The following TRPM6 variants were observed in gnomAD, a reference collection of about 807,000 sequenced individuals.
TRPM6 encodes the protein transient receptor potential cation channel subfamily M member 6.
Under a neutral mutation model 247.6 loss-of-function variants are expected in TRPM6, and 111 were observed. The observed-to-expected ratio is 0.45, with a 90% CI of 0.38 to 0.52. The LOEUF is 0.52. Among genes scored for constraint, TRPM6 ranks in the 20% least tolerant of loss-of-function variants. The pLI is 0.00. For missense variants in TRPM6, 2,126 were observed against 2,421.5 expected (o/e 0.88, Z 2.56); for synonymous variants, 892 against 853.8 (o/e 1.04, Z -0.78).
intron 24 of TRPM6, among the ~76,000 whole-genome samples, chr9:74,773,914 C>A (rs893788236): frequency 1.3e-5 from 2 of 152,156 alleles, no homozygotes; most frequent in African/African-American, 4.8e-5. Flanking sequence ...ACCCCCTACC[C>A]AACTCTAATG....
chr9:74,838,323 T>C (rs1272609395), intron 5 of TRPM6, among the ~76,000 whole-genome samples: 3 of 152,214 alleles, frequency 2.0e-5, no homozygotes, highest in Admixed American at 1.3e-4. Context: ...AACTATACAA[T>C]GGACTTAGAA....
Position 74,836,557 on chromosome 9 carries a change from C to A in TRPM6, c.545-2435G>T, listed in dbSNP as rs568478357. On this transcript the variant is annotated intron_variant, in intron 5 of 38. Transcript: ENST00000360774. ...CATGGTTTGGCATGGTGTGCCAACACTGTTGTTGTTTTAAGCACCTTACAT... is the reference window on the plus strand; with the variant it reads ...CATGGTTTGGCATGGTGTGCCAACAATGTTGTTGTTTTAAGCACCTTACAT... Among the ~76,000 whole-genome samples the A allele has an allele frequency of 2.6e-4, 40 of 152,310 alleles. No homozygotes were observed. In the South Asian group the frequency reaches 8.3e-3, roughly 32 times the overall value.
intron 31 of TRPM6, among the ~76,000 whole-genome samples, chr9:74,744,638 T>C (rs747503777): frequency 5.3e-5 from 8 of 152,216 alleles, no homozygotes; most frequent in Admixed American, 3.9e-4. Context: ...GTGGATAATA[T>C]AGCACCAAGA....
chr9:74,821,644 C>CA, intron 8 of TRPM6, 25 bp downstream of exon 8: 1 of 1,614,036 alleles, frequency 6.2e-7, no homozygotes, highest in Non-Finnish European at 8.5e-7. Flanking sequence ...CCTATAGTTT[C>CA]AAAAAAGAAG....
At chr9:74,881,990 A>T (rs1334454638) in intron 1 of TRPM6, among the ~76,000 whole-genome samples, 1 of 152,174 alleles carries the variant, frequency 6.6e-6, no homozygotes, top group Non-Finnish European at 1.5e-5. Flanking sequence ...GGAAAACTGG[A>T]TATTTATATG....
chr9:74,771,376 T>C (rs774833753), intron 25 of TRPM6, among the ~76,000 whole-genome samples: 18 of 152,226 alleles, frequency 1.2e-4, no homozygotes, highest in Non-Finnish European at 2.2e-4. Context: ...TTACTTAGGT[T>C]TTGTTCTCCA....
chr9:74,765,693 A>T (rs1412355979), intron 25 of TRPM6, among the ~76,000 whole-genome samples: 1 of 152,220 alleles, frequency 6.6e-6, no homozygotes, highest in African/African-American at 2.4e-5. Context: ...GAAGAGTTTA[A>T]CACTCAGCTG....
At position 74,827,809 on chromosome 9, in the gene TRPM6, C is replaced by T; in HGVS notation, c.810G>A (p.Glu270=). 6.2e-7 allele frequency: 1 copy of T among 1,614,122 alleles called. No homozygotes were observed. Among genetic ancestry groups the T allele is most frequent in the Non-Finnish European group, 8.5e-7 (1 of 1,180,032 alleles). The part of the protein sequence containing the change: ...GNEMKLRRNL[E]KYLSLQKIHC... ...GTATTTTCTGCAGAGAGAGGTACTT[C>T]TCCAGGTTCCTTCTGAGCTTCATTT... Residue 270 remains glutamate (E), a synonymous_variant, in exon 7 of 39, where the codon GAG becomes GAA. Coordinates refer to ENST00000360774, the MANE Select transcript of TRPM6 (RefSeq NM_017662.5).
chr9:74,754,700 A>G (rs935888761), intron 28 of TRPM6, among the ~76,000 whole-genome samples: 1 of 152,216 alleles, frequency 6.6e-6, no homozygotes, highest in Admixed American at 6.5e-5. Context: ...TTAATCACTT[A>G]GTCCTTTCTG....
chr9:74,744,860 C>T (rs543154281), intron 31 of TRPM6, among the ~76,000 whole-genome samples: 2 of 152,248 alleles, frequency 1.3e-5, no homozygotes, highest in Admixed American at 1.3e-4. Context: ...CATAATGAGC[C>T]CAATTTCGCA....
chr9:74,775,882 C>G lies in TRPM6; in HGVS notation c.3403+1G>C. ...CTCCTGCCTCACATAGAACAACTTACTTAATCCAACGTCACCCTCTTCTTG... is the reference window on the plus strand; with the variant it reads ...CTCCTGCCTCACATAGAACAACTTAGTTAATCCAACGTCACCCTCTTCTTG... On this transcript the variant is annotated splice_donor_variant, in intron 24 of 38. Coordinates refer to ENST00000360774, the MANE Select transcript of TRPM6 (RefSeq NM_017662.5). LOFTEE classifies it high-confidence loss of function. 1 of 1,614,074 alleles carries G rather than the reference C, an allele frequency of 6.2e-7. No individual in the cohort carries two copies. The highest frequency in any genetic ancestry group is 1.1e-5 in the South Asian group (1 of 91,082).
chr9:74,732,571 TA>T (rs1825557194), intron 37 of TRPM6, 113 bp downstream of exon 37: 1 of 810,614 alleles, frequency 1.2e-6, no homozygotes. Context: ...ATAAGCTACC[TA>T]AAAACCTTTC....
intron 10 of TRPM6, 25 bp downstream of exon 10, chr9:74,816,867 A>G (rs1828952266): frequency 7.4e-6 from 12 of 1,613,522 alleles, no homozygotes; most frequent in Non-Finnish European, 1.0e-5. Context: ...ATGAGGAACA[A>G]TTGCAACCCC....
At chr9:74,848,963 G>A (rs1006423188) in intron 3 of TRPM6, among the ~76,000 whole-genome samples, 1 of 152,136 alleles carries the variant, frequency 6.6e-6, no homozygotes, top group African/African-American at 2.4e-5. Flanking sequence ...GGAGAAATGT[G>A]GCTAGCTGTT....
In TRPM6 at chr9:74,745,093, G is replaced by C. The variant is rs545052934; in HGVS notation, c.5084-948C>G. Among the ~76,000 whole-genome samples, 10 of 152,238 alleles carry C rather than the reference G, an allele frequency of 6.6e-5. No homozygotes were observed. In the South Asian group the frequency reaches 1.9e-3, roughly 28 times the overall value. On this transcript the variant is annotated intron_variant, in intron 31 of 38. Transcript: ENST00000360774. ...AAAAGCAAATGTATTAGGAGAGAGA[G>C]ACAGGTAACTATAATCACAATACAG... is the stretch of plus-strand genomic sequence containing the variant.
chr9:74,871,600 T>C (rs551784906), intron 1 of TRPM6, among the ~76,000 whole-genome samples: 36 of 152,344 alleles, frequency 2.4e-4, no homozygotes, highest in African/African-American at 8.2e-4. Flanking sequence ...AGCTTTCATG[T>C]TCATGTAGAT....
chr9:74,885,997 T>C (rs541339268), intron 1 of TRPM6, among the ~76,000 whole-genome samples: 1 of 152,356 alleles, frequency 6.6e-6, no homozygotes, highest in South Asian at 2.1e-4. Flanking sequence ...AAATGCTTGA[T>C]AGTTTTGGCA....
At chr9:74,770,691 T>C (rs1827004479) in intron 25 of TRPM6, among the ~76,000 whole-genome samples, 1 of 152,130 alleles carries the variant, frequency 6.6e-6, no homozygotes, top group African/African-American at 2.4e-5. Flanking sequence ...TCCTGTCCCG[T>C]TCCCCTGCTT....
At chr9:74,728,551 A>T (rs1339967285) in intron 37 of TRPM6, among the ~76,000 whole-genome samples, 2 of 152,208 alleles carry the variant, frequency 1.3e-5, no homozygotes, top group Non-Finnish European at 2.9e-5. Flanking sequence ...CAACTCCAAG[A>T]CCTACTGTGA....
Sources: gnomAD v4.1 joint callset for allele counts (sites outside exome capture counted in the v4.1 genomes callset) on GRCh38, gnomAD v4.1.1 for gene constraint, MANE v1.5 for transcripts, NCBI Gene and HGNC (gene_info 2026-07-23, HGNC 2026-07-21) for gene names.